Variants in PUDP observed in about 807,000 individuals in gnomAD.
The protein encoded by PUDP is pseudouridine-5'-phosphatase.
PUDP carries 8 observed loss-of-function variants against 9.4 expected under a neutral mutation model. That is an observed-to-expected ratio of 0.85 (90% CI 0.50 to 1.53). PUDP has a LOEUF of 1.53. Ranked by LOEUF, PUDP falls within the 40% of genes most tolerant of loss-of-function variation. The pLI is 0.00. For synonymous variants in PUDP, 99 were observed against 80.7 expected (o/e 1.23, Z -1.22); for missense variants, 188 against 189.7 (o/e 0.99, Z 0.05).
At chrX:7,090,718 C>T (rs1931397909) in intron 2 of PUDP, among the ~76,000 whole-genome samples, 1 of 111,642 alleles carries the variant, frequency 9.0e-6, no homozygotes, top group African/African-American at 3.3e-5. Flanking sequence ...CCTCACATCT[C>T]ATCTCAGTCT....
chrX:7,094,234 C>T (rs1429385553), intron 2 of PUDP, among the ~76,000 whole-genome samples: 1 of 111,793 alleles, frequency 8.9e-6, no homozygotes, highest in Non-Finnish European at 1.9e-5. Flanking sequence ...GTATCTTATT[C>T]TCCTTAGTCT....
chrX:6,842,364 A>G (rs1363234426), intron 3 of PUDP, among the ~76,000 whole-genome samples: 1 of 111,790 alleles, frequency 8.9e-6, no homozygotes, highest in African/African-American at 3.3e-5. Flanking sequence ...TTGTGTAGGA[A>G]AAATCCACTG....
At chrX:7,111,588 T>C (rs1932052185) in intron 1 of PUDP, among the ~76,000 whole-genome samples, 1 of 111,307 alleles carries the variant, frequency 9.0e-6, no homozygotes. Context: ...TGGTGGTCTT[T>C]CGGGAAACCC....
At chrX:6,931,661 C>T (rs2146769693) in intron 3 of PUDP, among the ~76,000 whole-genome samples, 1 of 111,856 alleles carries the variant, frequency 8.9e-6, no homozygotes, top group African/African-American at 3.2e-5. Flanking sequence ...AGCAGCGCTC[C>T]TGTGTGGGAA....
chrX:7,123,236 G>A (rs1220800044), intron 1 of PUDP, among the ~76,000 whole-genome samples: 1 of 112,370 alleles, frequency 8.9e-6, no homozygotes. Context: ...TAAATTATAA[G>A]TGTTGATGGG....
intron 3 of PUDP, among the ~76,000 whole-genome samples, chrX:6,871,403 G>T (rs924389914): frequency 8.9e-6 from 1 of 111,755 alleles, no homozygotes; most frequent in Admixed American, 9.5e-5. Context: ...AAAATCAAAA[G>T]GGCAGTGGAA....
intron 3 of PUDP, among the ~76,000 whole-genome samples, chrX:6,763,224 A>C (rs1002086552): frequency 8.9e-6 from 1 of 111,871 alleles, no homozygotes; most frequent in African/African-American, 3.3e-5. Flanking sequence ...CTCCGTCTCC[A>C]CTAAAATTAC....
intron 1 of PUDP, among the ~76,000 whole-genome samples, chrX:7,041,867 CTTTTTTT>C (rs4011478): frequency 3.0e-5 from 3 of 98,622 alleles, no homozygotes; most frequent in Non-Finnish European, 6.1e-5. Context: ...CTCTCTCTCT[CTTTTTTT>C]TTTTTTTGAG....
At chrX:7,035,317 C>T (rs1432344270) in intron 1 of PUDP, among the ~76,000 whole-genome samples, 1 of 111,568 alleles carries the variant, frequency 9.0e-6, no homozygotes, top group Middle Eastern at 4.6e-3. Context: ...AATTAGGTTT[C>T]CTGGTGTCAT....
intron 1 of PUDP, among the ~76,000 whole-genome samples, chrX:7,040,135 C>A (rs1486561828): frequency 1.8e-5 from 2 of 112,133 alleles, no homozygotes; most frequent in Non-Finnish European, 3.8e-5. Flanking sequence ...AGAACTCTCC[C>A]AGCACCCGTG....
At chrX:6,864,491 C>T (rs1382832873) in intron 3 of PUDP, among the ~76,000 whole-genome samples, 1 of 111,468 alleles carries the variant, frequency 9.0e-6, no homozygotes, top group Non-Finnish European at 1.9e-5. Context: ...GGTCTTTGTT[C>T]CCCTAATCAA....
intron 2 of PUDP, among the ~76,000 whole-genome samples, chrX:7,099,727 G>T (rs1931672928): frequency 8.9e-6 from 1 of 111,859 alleles, no homozygotes; most frequent in Admixed American, 9.4e-5. Flanking sequence ...TGACCAGGCA[G>T]ACTCACCTCT....
At chrX:6,801,254 G>C (rs1925927545) in intron 3 of PUDP, among the ~76,000 whole-genome samples, 1 of 112,464 alleles carries the variant, frequency 8.9e-6, no homozygotes, top group African/African-American at 3.2e-5. Context: ...AATACTACCT[G>C]TGCCAAGGGT....
intron 1 of PUDP, among the ~76,000 whole-genome samples, chrX:7,027,666 A>T (rs1942863292): frequency 9.9e-6 from 1 of 101,036 alleles, no homozygotes; most frequent in African/African-American, 3.5e-5. Flanking sequence ...TATAATATAT[A>T]TAGAATATAT....
chrX:6,976,842 G>A (rs760497136), intron 3 of PUDP, among the ~76,000 whole-genome samples: 98 of 111,987 alleles, frequency 8.8e-4, no homozygotes, highest in Non-Finnish European at 1.5e-3. Flanking sequence ...AGCTTCTGCT[G>A]TACTGTTCTC....
At chrX:6,812,765 A>G (rs1362882794) in intron 3 of PUDP, among the ~76,000 whole-genome samples, 1 of 112,023 alleles carries the variant, frequency 8.9e-6, no homozygotes, top group African/African-American at 3.2e-5. Flanking sequence ...AAAATGGAGT[A>G]TCTTTGCTTT....
intron 3 of PUDP, among the ~76,000 whole-genome samples, chrX:6,748,875 T>C (rs1925031807): frequency 8.9e-6 from 1 of 111,784 alleles, no homozygotes; most frequent in Non-Finnish European, 1.9e-5. Context: ...ATGGATGACA[T>C]TTGGCAAGTA....
chrX:6,949,556 C>G (rs1928518350), intron 3 of PUDP, among the ~76,000 whole-genome samples: 1 of 111,963 alleles, frequency 8.9e-6, no homozygotes, highest in Non-Finnish European at 1.9e-5. Flanking sequence ...TCTCTCACCC[C>G]CAACTGCTAA....
chrX:7,023,190 T>C lies in PUDP; in HGVS notation c.205-44847A>G, dbSNP rs188219499. Among the ~76,000 whole-genome samples the C allele has an allele frequency of 5.4e-3, 604 of 112,046 alleles. 2 individuals carry two copies. Among genetic ancestry groups the C allele is most frequent in the Non-Finnish European group, 8.5e-3 (453 of 53,213 alleles). ...CCCTAATGATTCACAATAGCAAGGC[T>C]CCAATGTTGCCAATTGTCTCCAGGT... On this transcript the variant is annotated intron_variant and NMD_transcript_variant, in intron 1 of 3. Transcript: ENST00000655425.
Sources: allele counts gnomAD v4.1 joint callset (sites outside exome capture counted in the v4.1 genomes callset), GRCh38; gene constraint gnomAD v4.1.1; transcripts MANE v1.5; gene names NCBI Gene and HGNC (gene_info 2026-07-23, HGNC 2026-07-21).